The following SPECC1 variants were observed in gnomAD, a reference collection of about 807,000 sequenced individuals.
SPECC1 encodes cytospin-B.
SPECC1 carries 62 observed loss-of-function variants against 104.1 expected under a neutral mutation model. The ratio of observed to expected loss-of-function variants is 0.60; its 90% CI spans 0.49 to 0.74. The LOEUF is 0.74. SPECC1 is among the 30% of genes least tolerant of loss of function. SPECC1 has a pLI of 0.00. For synonymous variants in SPECC1, 513 were observed against 501.6 expected (o/e 1.02, Z -0.30); for missense variants, 1,306 against 1,310.5 (o/e 1.00, Z 0.05).
At chr17:20,301,240 C>G (rs1288152786) in intron 13 of SPECC1, among the ~76,000 whole-genome samples, 1 of 152,028 alleles carries the variant, frequency 6.6e-6, no homozygotes, top group African/African-American at 2.4e-5. Context: ...CTTACTAGAG[C>G]AGAGAGGGGA....
At chr17:20,169,973 G>A (rs1353130106) in intron 3 of SPECC1, among the ~76,000 whole-genome samples, 1 of 152,210 alleles carries the variant, frequency 6.6e-6, no homozygotes, top group Non-Finnish European at 1.5e-5. Flanking sequence ...TATCATAGAA[G>A]TAACATTAAA....
chr17:20,063,823 AG>A (rs11311885), intron 1 of SPECC1, among the ~76,000 whole-genome samples: 43,755 of 152,032 alleles, frequency 0.29, 6,759 homozygotes, highest in Middle Eastern at 0.42. Flanking sequence ...CAGTCAGGCT[AG>A]TAACCCTTCC....
chr17:20,156,385 G>A (rs2032529698), intron 3 of SPECC1: 1 of 957,700 alleles, frequency 1.0e-6, no homozygotes, highest in East Asian at 3.3e-5. Context: ...GGAATGCGCC[G>A]CTTGGGATTG....
chr17:20,156,665 C>A (rs952530615), intron 3 of SPECC1, among the ~76,000 whole-genome samples: 1 of 152,100 alleles, frequency 6.6e-6, no homozygotes, highest in South Asian at 2.1e-4. Context: ...CTCACACTCA[C>A]GCCAGGGCTG....
chr17:20,049,549 A>G (rs750534419), intron 1 of SPECC1, among the ~76,000 whole-genome samples: 5 of 152,096 alleles, frequency 3.3e-5, no homozygotes, highest in Non-Finnish European at 5.9e-5. Flanking sequence ...TTGGGTTTAT[A>G]TAGGTACTCT....
chr17:20,141,151 C>T (rs1356785459), intron 3 of SPECC1, among the ~76,000 whole-genome samples: 1 of 152,208 alleles, frequency 6.6e-6, no homozygotes, highest in African/African-American at 2.4e-5. Context: ...GCACCTCCTT[C>T]AAAAAGCGTT....
At chr17:20,261,970 A>C (rs902848086) in intron 12 of SPECC1, among the ~76,000 whole-genome samples, 7 of 152,194 alleles carry the variant, frequency 4.6e-5, no homozygotes, top group African/African-American at 1.7e-4. Context: ...ATTGTCCTCA[A>C]TTCTCCTTCC....
intron 2 of SPECC1, among the ~76,000 whole-genome samples, chr17:20,107,462 C>CTTTTTTTTTTTT (rs201566147): frequency 7.6e-6 from 1 of 132,116 alleles, no homozygotes; most frequent in African/African-American, 2.8e-5. Flanking sequence ...TTTCTTTTTT[C>CTTTTTTTTTTTT]TTTTTTTTTT....
chr17:20,103,578 G>A (rs1031311111), intron 2 of SPECC1, among the ~76,000 whole-genome samples: 2 of 152,146 alleles, frequency 1.3e-5, no homozygotes, highest in Admixed American at 6.5e-5. Context: ...CCACAAGCCC[G>A]ACAGAAGCAG....
intron 1 of SPECC1, among the ~76,000 whole-genome samples, chr17:20,053,760 A>C (rs576248308): frequency 1.3e-5 from 2 of 152,280 alleles, no homozygotes; most frequent in East Asian, 3.9e-4. Context: ...AGATGATGCA[A>C]CCCCAGCTGA....
intron 3 of SPECC1, chr17:20,111,820 C>T (rs772412217): frequency 1.1e-5 from 9 of 826,672 alleles, no homozygotes; most frequent in Admixed American, 5.2e-5. Flanking sequence ...GGGGGGGCAG[C>T]GCGATGAGGT....
At chr17:20,248,708 G>A (rs2039514873) in intron 9 of SPECC1, among the ~76,000 whole-genome samples, 1 of 152,128 alleles carries the variant, frequency 6.6e-6, no homozygotes, top group Non-Finnish European at 1.5e-5. Context: ...TTCTTTTGAA[G>A]TGTTAGTCTG....
intron 4 of SPECC1, among the ~76,000 whole-genome samples, chr17:20,226,026 C>T (rs1365810900): frequency 6.6e-6 from 1 of 152,036 alleles, no homozygotes; most frequent in Non-Finnish European, 1.5e-5. Flanking sequence ...GTCCCTATTC[C>T]CATAGAGCTT....
At chr17:20,201,807 A>G (rs1343471121) in intron 3 of SPECC1, among the ~76,000 whole-genome samples, 1 of 152,224 alleles carries the variant, frequency 6.6e-6, no homozygotes, top group Non-Finnish European at 1.5e-5. Context: ...AGGCTGACCC[A>G]TGAACAACAC....
At chr17:20,258,487 T>C (rs1285186872) in intron 11 of SPECC1, among the ~76,000 whole-genome samples, 1 of 152,196 alleles carries the variant, frequency 6.6e-6, no homozygotes, top group African/African-American at 2.4e-5. Context: ...GTTAATTTTC[T>C]GATGCACTGA....
At chr17:20,032,581 T>C (rs932284913) in intron 1 of SPECC1, among the ~76,000 whole-genome samples, 6 of 152,184 alleles carry the variant, frequency 3.9e-5, no homozygotes, top group Admixed American at 2.0e-4. Flanking sequence ...ATTTTAGTTA[T>C]TCTACCTTTC....
chr17:20,318,294 C>T lies in SPECC1; in HGVS notation c.*4229C>T. The T allele has an allele frequency of 8.6e-6, 2 of 232,622 alleles. No individual in the cohort carries two copies. Among genetic ancestry groups the T allele is most frequent in the Non-Finnish European group, 1.7e-5 (2 of 117,574 alleles). The allele number at this position is 232,622 out of a possible 1,614,324, so 14.4% of individuals were successfully genotyped here. ...CTTGTCTGATGGTAACCCATGGCCCCCGCCCTGCGGGGATAACATTCTCAG... is the reference window on the plus strand; with the variant it reads ...CTTGTCTGATGGTAACCCATGGCCCTCGCCCTGCGGGGATAACATTCTCAG... On this transcript the variant is annotated 3_prime_UTR_variant, in exon 15 of 15. Coordinates refer to ENST00000395527, the MANE Select transcript of SPECC1 (RefSeq NM_001243439.2).
At chr17:20,164,635 GA>G (rs1279318540) in intron 3 of SPECC1, among the ~76,000 whole-genome samples, 1 of 152,092 alleles carries the variant, frequency 6.6e-6, no homozygotes, top group Non-Finnish European at 1.5e-5. Flanking sequence ...CATATTCAGG[GA>G]TATTCTGTGC....
At chr17:20,134,939 C>T (rs768739794) in intron 3 of SPECC1, among the ~76,000 whole-genome samples, 2 of 152,208 alleles carry the variant, frequency 1.3e-5, no homozygotes, top group Non-Finnish European at 2.9e-5. Flanking sequence ...GTAATCATCA[C>T]ATTGGATGGA....
Sources: gnomAD v4.1 joint callset for allele counts (sites outside exome capture counted in the v4.1 genomes callset) on GRCh38, gnomAD v4.1.1 for gene constraint, MANE v1.5 for transcripts, NCBI Gene and HGNC (gene_info 2026-07-23, HGNC 2026-07-21) for gene names.